Variants in ARL5B observed in about 807,000 individuals in gnomAD.
The protein encoded by ARL5B is ARF like GTPase 5B, also known as ADP-ribosylation factor-like protein 5B.
In ARL5B, 10 loss-of-function variants were observed where a neutral mutation model predicts 26.9. The ratio of observed to expected loss-of-function variants is 0.37; its 90% confidence interval spans 0.23 to 0.63. ARL5B has a LOEUF of 0.63. Among genes scored for constraint, ARL5B ranks in the 30% least tolerant of loss-of-function variants. The probability of loss-of-function intolerance (pLI) is 0.62; values close to 1 mark genes in which losing one functional copy is unlikely to be tolerated. For synonymous variants in ARL5B, 87 were observed against 70.4 expected, an observed-to-expected ratio of 1.24 and a Z score of -1.18; for missense variants, 167 against 213.9, an observed-to-expected ratio of 0.78 and a Z score of 1.37.
At chr10:18,668,910 C>T (rs2059874174) in intron 3 of ARL5B, among the ~76,000 whole-genome samples, 1 of 151,732 alleles carries the variant, frequency 6.6e-6, no homozygotes, top group African/African-American at 2.4e-5. Flanking sequence ...GCAGGAATTA[C>T]AGGCGAGTGC....
rs940107855 is a variant in ARL5B at position 18,671,783 on chromosome 10, A to T, written c.256-839A>T. On this transcript the variant is annotated intron_variant, in intron 3 of 5. Coordinates refer to ENST00000377275, the MANE Select transcript of ARL5B (RefSeq NM_178815.5). ...AGGCTCAAAGCAGTCCTCCCACCTT[A>T]GCCTCCCAAGTAGGTGGGACTATGT... is the stretch of plus-strand genomic sequence containing the variant. Among the ~76,000 whole-genome samples, 4 of 151,762 alleles carry T rather than the reference A, an allele frequency of 2.6e-5. No individual in the cohort carries two copies. In the South Asian group the frequency reaches 8.3e-4, roughly 32 times the overall value.
chr10:18,669,604 C>T (rs963398076), intron 3 of ARL5B, among the ~76,000 whole-genome samples: 2 of 151,974 alleles, frequency 1.3e-5, no homozygotes, highest in Non-Finnish European at 2.9e-5. Flanking sequence ...GAGATTTATC[C>T]TTGATAGTAT....
chr10:18,671,649 C>T (rs2059887462), intron 3 of ARL5B, among the ~76,000 whole-genome samples: 1 of 151,074 alleles, frequency 6.6e-6, no homozygotes, highest in Non-Finnish European at 1.5e-5. Flanking sequence ...ATCTCCTCCT[C>T]CTCCTCCCCC....
In ARL5B at chr10:18,680,443, T is replaced by G. The variant is rs1011367442; in HGVS notation, c.*5227T>G. The G allele has an allele frequency of 1.3e-5, 2 of 152,108 alleles. No homozygotes were observed. Among genetic ancestry groups the G allele is most frequent in the African/African-American group, 4.8e-5 (2 of 41,444 alleles). The allele number at this position is 152,108 out of a possible 1,614,324, so 9.4% of individuals were successfully genotyped here. A position where few individuals can be genotyped will look rare whatever the true frequency, so the allele number is the denominator to read the frequency against. On this transcript the variant is annotated 3_prime_UTR_variant, in exon 6 of 6. Transcript: ENST00000377275. ...GAGAAATCCTAAATTTGATGGATTCTTTTATACTGTGAATATATTTCCATC... is the reference window on the plus strand; with the variant it reads ...GAGAAATCCTAAATTTGATGGATTCGTTTATACTGTGAATATATTTCCATC...
chr10:18,673,983 G>A lies in ARL5B; in HGVS notation c.340-1G>A. On this transcript the variant is annotated splice_acceptor_variant, in intron 4 of 5. Transcript: ENST00000377275. LOFTEE classifies it high-confidence loss of function. ...TTAGAAATATTTTGTCTTGATTGCA[G>A]GATTTACGGAAGGCTGCAGTCCTTA... is the stretch of plus-strand genomic sequence containing the variant. 1 of 1,591,134 alleles carries A rather than the reference G, an allele frequency of 6.3e-7. No individual in the cohort carries two copies. The highest frequency in any genetic ancestry group is 8.5e-7 in the Non-Finnish European group (1 of 1,170,352).
chr10:18,669,527 G>A (rs1043388709), intron 3 of ARL5B, among the ~76,000 whole-genome samples: 48 of 152,032 alleles, frequency 3.2e-4, no homozygotes, highest in African/African-American at 1.1e-3. Flanking sequence ...ATATATTCAT[G>A]TTCTATTTCT....
intron 1 of ARL5B, among the ~76,000 whole-genome samples, chr10:18,663,263 A>C (rs773625114): frequency 6.6e-6 from 1 of 152,150 alleles, no homozygotes; most frequent in Non-Finnish European, 1.5e-5. Context: ...TCGCCTCCCA[A>C]AGTGCTGGGA....
rs1003611995 is a variant in ARL5B, at chr10:18,681,559, A to G, written c.*6343A>G. The G allele has an allele frequency of 1.3e-5, 2 of 152,152 alleles. No homozygotes were observed. Among genetic ancestry groups the G allele is most frequent in the African/African-American group, 4.8e-5 (2 of 41,434 alleles). 9.4% of individuals were successfully genotyped at this position (152,152 alleles called of 1,614,324 possible). A position where few individuals can be genotyped will look rare whatever the true frequency, so the allele number is the denominator to read the frequency against. ...GACAGGTTTTGGCTCATTTCCAATC[A>G]TGGTGCAATATAGTGTAACATTCAT... On this transcript the variant is annotated 3_prime_UTR_variant, in exon 6 of 6. Coordinates refer to ENST00000377275, the MANE Select transcript of ARL5B (RefSeq NM_178815.5).
intron 5 of ARL5B, among the ~76,000 whole-genome samples, 168 bp from the exon 6 acceptor site, chr10:18,675,000 A>G (rs941743847): frequency 6.6e-6 from 1 of 152,188 alleles, no homozygotes; most frequent in Non-Finnish European, 1.5e-5. Flanking sequence ...TTAAGAGAAC[A>G]TTCCATTTAA....
At chr10:18,663,058 G>C (rs2059844107) in intron 1 of ARL5B, among the ~76,000 whole-genome samples, 1 of 152,002 alleles carries the variant, frequency 6.6e-6, no homozygotes. Flanking sequence ...ACCCAGGCTG[G>C]AGTGTAGTCC....
In ARL5B at chr10:18,668,556, C is replaced by T; in HGVS notation, c.134C>T (p.Ser45Phe). The T allele has an allele frequency of 1.9e-6, 3 of 1,614,082 alleles. No individual in the cohort carries two copies. The highest frequency in any genetic ancestry group is 1.1e-5 in the South Asian group (1 of 91,080). Residue 45 changes from serine to phenylalanine, a missense_variant, in exon 3 of 6, where the codon TCT becomes TTT. By Grantham distance (155) the Ser-to-Phe change is radical (BLOSUM62 -2). Transcript: ENST00000377275. ...QFLMNEVVHT[S>F]PTIGSNVEEI... ...TTAATGAATGAAGTGGTTCATACTT[C>T]TCCAACCATAGGAAGCAATGTTGAA...
In ARL5B at chr10:18,676,204, T is replaced by A. The variant is rs2059909656; in HGVS notation, c.*988T>A. 1.3e-5 allele frequency: 2 copies of A among 152,492 alleles called. No homozygotes were observed. The highest frequency in any genetic ancestry group is 2.9e-5 in the Non-Finnish European group (2 of 67,914). The allele number at this position is 152,492 out of a possible 1,614,324, so 9.4% of individuals were successfully genotyped here. A position where few individuals can be genotyped will look rare whatever the true frequency, so the allele number is the denominator to read the frequency against. ...TTGTTTCTTAAAATTTGAAGTCGTG[T>A]CTGTCATAGCATTTTTACTACCAGC... On this transcript the variant is annotated 3_prime_UTR_variant, in exon 6 of 6. Transcript: ENST00000377275.
intron 2 of ARL5B, among the ~76,000 whole-genome samples, chr10:18,667,913 C>T (rs1246113114): frequency 6.6e-6 from 1 of 152,106 alleles, no homozygotes; most frequent in Non-Finnish European, 1.5e-5. Flanking sequence ...CGAGGCTTCA[C>T]CATGTTGGTC....
At chr10:18,669,717 A>G (rs4748508) in intron 3 of ARL5B, among the ~76,000 whole-genome samples, 84,237 of 151,928 alleles carry the variant, frequency 0.55, 23,911 homozygotes, top group East Asian at 0.97. Flanking sequence ...GTTGGGCCAG[A>G]CACGGTGGCT....
chr10:18,673,689 A>C (rs1485381100), intron 4 of ARL5B, among the ~76,000 whole-genome samples: 2 of 152,138 alleles, frequency 1.3e-5, no homozygotes. Flanking sequence ...AGTATTTGGC[A>C]ACATACTACC....
intron 3 of ARL5B, among the ~76,000 whole-genome samples, chr10:18,671,663 C>T (rs12784711): frequency 0.19 from 28,709 of 150,112 alleles, 3,004 homozygotes; most frequent in South Asian, 0.31. Flanking sequence ...CTCCCCCTCA[C>T]CCACCCCCCA....
At chr10:18,660,278 C>A (rs1364411333) in intron 1 of ARL5B, among the ~76,000 whole-genome samples, 1 of 151,982 alleles carries the variant, frequency 6.6e-6, no homozygotes, top group Non-Finnish European at 1.5e-5. Context: ...TTGTGTAAGA[C>A]GTTACGTGTC....
rs2059915757 is a variant in ARL5B, at chr10:18,677,590, A to G, written c.*2374A>G. The stretch of plus-strand genomic sequence containing the variant: ...GTAACGTGAAAACTGATTATTCTTT[A>G]CTCCAAGAGAATGTTTTAACCCAAG... On this transcript the variant is annotated 3_prime_UTR_variant, in exon 6 of 6. Coordinates refer to ENST00000377275, the MANE Select transcript of ARL5B (RefSeq NM_178815.5). The G allele has an allele frequency of 6.6e-6, 1 of 152,236 alleles. No homozygotes were observed. Among genetic ancestry groups the G allele is most frequent in the Non-Finnish European group, 1.5e-5 (1 of 67,798 alleles). The allele number at this position is 152,236 out of a possible 1,614,324, so 9.4% of individuals were successfully genotyped here.
In ARL5B at chr10:18,674,961, G is replaced by A. The variant is rs143264275; in HGVS notation, c.492-207G>A. 3.7e-3 allele frequency among the ~76,000 whole-genome samples: 559 copies of A among 152,180 alleles called. 4 individuals carry two copies. Among genetic ancestry groups the A allele is most frequent in the African/African-American group, 0.012 (508 of 41,530 alleles). On this transcript the variant is annotated intron_variant, in intron 5 of 5. Coordinates refer to ENST00000377275, the MANE Select transcript of ARL5B (RefSeq NM_178815.5). ...GTTGTATCTTCAAGATGAGACTGAA[G>A]CAATTTCCCACAAACTGATTAAGAA...
Sources: gnomAD v4.1 joint callset for allele counts (sites outside exome capture counted in the v4.1 genomes callset) on GRCh38, gnomAD v4.1.1 for gene constraint, MANE v1.5 for transcripts, NCBI Gene and HGNC (gene_info 2026-07-23, HGNC 2026-07-21) for gene names.